PRKG1: variants seen among roughly 807,000 people sequenced by gnomAD.
The protein encoded by PRKG1 is protein kinase cGMP-dependent 1, also known as cGMP-dependent protein kinase 1.
In PRKG1, 35 loss-of-function variants were observed where a neutral mutation model predicts 88.1. The ratio of observed to expected loss-of-function variants is 0.40; its 90% CI spans 0.30 to 0.53. PRKG1 has a LOEUF of 0.53. Ranked by LOEUF, PRKG1 falls within the 20% of genes least tolerant of loss-of-function variation. The pLI is 0.59. For missense variants in PRKG1, 540 were observed against 839.8 expected (o/e 0.64, Z 4.41); for synonymous variants, 303 against 292.5 (o/e 1.04, Z -0.37).
chr10:51,150,537 C>T (rs1047710682), intron 1 of PRKG1, among the ~76,000 whole-genome samples: 4 of 152,152 alleles, frequency 2.6e-5, no homozygotes, highest in African/African-American at 7.2e-5. Context: ...AGGTATCTAT[C>T]TTGCTGCGAG....
chr10:51,094,633 G>T (rs940284774), intron 1 of PRKG1, among the ~76,000 whole-genome samples: 2 of 151,598 alleles, frequency 1.3e-5, no homozygotes, highest in Admixed American at 6.6e-5. Flanking sequence ...CTAGGGCAGC[G>T]CTCCATAAAA....
intron 2 of PRKG1, among the ~76,000 whole-genome samples, chr10:51,439,003 T>G (rs1013065745): frequency 1.6e-5 from 2 of 124,024 alleles, no homozygotes; most frequent in African/African-American, 5.7e-5. Flanking sequence ...TAATTGGGAT[T>G]TTTTTTTTTA....
At chr10:51,746,147 C>A (rs1213240174) in intron 3 of PRKG1, among the ~76,000 whole-genome samples, 1 of 152,082 alleles carries the variant, frequency 6.6e-6, no homozygotes, top group African/African-American at 2.4e-5. Flanking sequence ...CAATGCATGG[C>A]CTGAATACAA....
At chr10:51,332,469 T>C (rs1183941826) in intron 2 of PRKG1, among the ~76,000 whole-genome samples, 1 of 152,180 alleles carries the variant, frequency 6.6e-6, no homozygotes, top group Non-Finnish European at 1.5e-5. Context: ...TTAGTAAAAT[T>C]TAGTTTAGCA....
Position 52,133,917 on chromosome 10 carries a change from GT to G in PRKG1, c.1001+16del, listed in dbSNP as rs1564483684. Reference sequence around the variant, plus strand: ...GTGATTGACAGAGAGTAAGTACATTGTTTTATTATGTGAATTACACACTCAT... The same window carrying G: ...GTGATTGACAGAGAGTAAGTACATTGTTTATTATGTGAATTACACACTCAT... On this transcript the variant is annotated intron_variant, in intron 8 of 17. Transcript: ENST00000373980. 6.2e-7 allele frequency: 1 copy of G among 1,605,480 alleles called. No homozygotes were observed. The highest frequency in any genetic ancestry group is 1.1e-5 in the South Asian group (1 of 90,648).
In PRKG1 at chr10:52,154,228, G is replaced by A. The variant is rs555102300; in HGVS notation, c.1002-7661G>A. Among the ~76,000 whole-genome samples, 24 of 152,232 alleles carry A rather than the reference G, an allele frequency of 1.6e-4. No homozygotes were observed. In the South Asian group the frequency reaches 3.7e-3, roughly 24 times the overall value. Reference sequence around the variant, plus strand: ...AAATTAGCAAACTAATCTTAAAATAGCACACATTTAATAATACCCTCTTAC... The same window carrying A: ...AAATTAGCAAACTAATCTTAAAATAACACACATTTAATAATACCCTCTTAC... On this transcript the variant is annotated intron_variant, in intron 8 of 17. Coordinates refer to ENST00000373980, the MANE Select transcript of PRKG1 (RefSeq NM_006258.4).
chr10:51,829,556 TTG>T (rs1265162649), intron 4 of PRKG1, among the ~76,000 whole-genome samples: 2 of 152,200 alleles, frequency 1.3e-5, no homozygotes, highest in African/African-American at 4.8e-5. Flanking sequence ...TTGTTAGTGT[TTG>T]TGTCAATGAT....
At chr10:51,330,105 T>TTTTATTTA (rs142962238) in intron 2 of PRKG1, among the ~76,000 whole-genome samples, 3 of 130,422 alleles carry the variant, frequency 2.3e-5, no homozygotes, top group Non-Finnish European at 3.2e-5. Flanking sequence ...ACATTTGCTC[T>TTTTATTTA]TTTATTTATT....
intron 3 of PRKG1, among the ~76,000 whole-genome samples, chr10:51,628,965 C>CAAA (rs199634329): frequency 0.13 from 12,624 of 97,906 alleles, 1,024 homozygotes; most frequent in African/African-American, 0.25. Flanking sequence ...GACTCCGTCT[C>CAAA]AAAAAAAAAA....
At chr10:51,143,183 C>A (rs1461080646) in intron 1 of PRKG1, among the ~76,000 whole-genome samples, 1 of 152,066 alleles carries the variant, frequency 6.6e-6, no homozygotes, top group African/African-American at 2.4e-5. Context: ...CTCCCTAGTT[C>A]TATGAGATCA....
At chr10:51,893,663 T>C (rs1165306775) in intron 4 of PRKG1, among the ~76,000 whole-genome samples, 3 of 152,214 alleles carry the variant, frequency 2.0e-5, no homozygotes, top group Admixed American at 1.3e-4. Context: ...AGAAGCTAAA[T>C]GACGTGTTCC....
intron 1 of PRKG1, among the ~76,000 whole-genome samples, chr10:51,129,818 AG>A (rs928120214): frequency 3.8e-4 from 58 of 152,148 alleles, no homozygotes; most frequent in African/African-American, 1.3e-3. Flanking sequence ...TAGCCCTGAA[AG>A]AAGGGTCACA....
At chr10:52,256,910 C>T (rs1224837073) in intron 10 of PRKG1, among the ~76,000 whole-genome samples, 1 of 138,884 alleles carries the variant, frequency 7.2e-6, no homozygotes, top group African/African-American at 2.5e-5. Context: ...AACCTGTGTG[C>T]CCCTGAAGTA....
At chr10:51,744,161 T>C (rs1246730044) in intron 3 of PRKG1, among the ~76,000 whole-genome samples, 2 of 152,164 alleles carry the variant, frequency 1.3e-5, no homozygotes. Flanking sequence ...ATTGATCTTT[T>C]ACTATGGGCA....
chr10:51,305,359 T>C (rs965097647), intron 2 of PRKG1, among the ~76,000 whole-genome samples: 4 of 152,200 alleles, frequency 2.6e-5, no homozygotes, highest in Non-Finnish European at 4.4e-5. Context: ...TGTATACTTT[T>C]GTGGCTTGAC....
chr10:52,212,596 G>T (rs1002052238), intron 9 of PRKG1, among the ~76,000 whole-genome samples: 1 of 151,232 alleles, frequency 6.6e-6, no homozygotes, highest in Non-Finnish European at 1.5e-5. Context: ...TATGGCTGTT[G>T]GGGGGAGAGG....
chr10:51,463,329 G>A (rs1049555642), intron 2 of PRKG1, among the ~76,000 whole-genome samples: 1 of 152,030 alleles, frequency 6.6e-6, no homozygotes, highest in African/African-American at 2.4e-5. Context: ...TTCTAAATTT[G>A]GTGTGTCTCT....
chr10:51,503,685 T>C (rs1271554730), intron 3 of PRKG1, among the ~76,000 whole-genome samples: 1 of 151,514 alleles, frequency 6.6e-6, no homozygotes, highest in East Asian at 1.9e-4. Context: ...GTCCTCTAAT[T>C]CTTTAACCTC....
chr10:51,693,899 A>AAAG (rs1451151384), intron 3 of PRKG1, among the ~76,000 whole-genome samples: 1 of 152,202 alleles, frequency 6.6e-6, no homozygotes, highest in African/African-American at 2.4e-5. Context: ...GAAAATATTT[A>AAAG]AAGATCTGAT....
Sources: allele counts gnomAD v4.1 joint callset (sites outside exome capture counted in the v4.1 genomes callset), GRCh38; gene constraint gnomAD v4.1.1; transcripts MANE v1.5; gene names NCBI Gene and HGNC (gene_info 2026-07-23, HGNC 2026-07-21).